The following PPP2R2C variants were observed in gnomAD, a reference collection of about 807,000 sequenced individuals.
PPP2R2C encodes protein phosphatase 2 regulatory subunit Bgamma, also known as protein phosphatase 2, regulatory subunit B, gamma.
Under a neutral mutation model 45.3 loss-of-function variants are expected in PPP2R2C, and 10 were observed. The ratio of observed to expected loss-of-function variants is 0.22; its 90% CI spans 0.14 to 0.37. The LOEUF is 0.37. Among genes scored for constraint, PPP2R2C ranks in the 10% least tolerant of loss-of-function variants. The pLI, the probability that PPP2R2C is intolerant of heterozygous loss-of-function variation, is 1.00. For missense variants in PPP2R2C, 308 were observed against 619.7 expected (o/e 0.50, Z 5.34); for synonymous variants, 257 against 245.4 (o/e 1.05, Z -0.44).
At chr4:6,340,070 T>A (rs1173238130) in intron 6 of PPP2R2C, among the ~76,000 whole-genome samples, 1 of 152,158 alleles carries the variant, frequency 6.6e-6, no homozygotes, top group Non-Finnish European at 1.5e-5. Flanking sequence ...AGGGAGTTCC[T>A]ACAATGGCAC....
rs116606174 is a variant in PPP2R2C at position 6,518,028 on chromosome 4, G to A, written c.49+17243C>T. 6.2e-3 allele frequency among the ~76,000 whole-genome samples: 938 copies of A among 152,226 alleles called. 7 individuals are homozygous for A. The highest frequency in any genetic ancestry group is 0.022 in the African/African-American group (915 of 41,544). On this transcript the variant is annotated intron_variant, in intron 2 of 9. Coordinates refer to the PPP2R2C transcript ENST00000506140. ...CCACCTGACAGTATCAGAATGGAGA[G>A]GATTGAAACAACACACTTCTATATA...
intron 6 of PPP2R2C, among the ~76,000 whole-genome samples, chr4:6,341,227 T>C (rs1346538499): frequency 6.6e-6 from 1 of 151,960 alleles, no homozygotes; most frequent in African/African-American, 2.4e-5. Flanking sequence ...CAATCCCATC[T>C]ACTGAGGAGG....
intron 1 of PPP2R2C, among the ~76,000 whole-genome samples, chr4:6,556,489 C>T (rs1404846008): frequency 6.6e-6 from 1 of 152,216 alleles, no homozygotes; most frequent in African/African-American, 2.4e-5. Flanking sequence ...CCATAACTGC[C>T]TGAGCCAATT....
At position 6,347,851 on chromosome 4, in the gene PPP2R2C, G is replaced by C. The variant is rs1460745968; in HGVS notation, c.785C>G (p.Ser262Cys). The C allele has an allele frequency of 2.5e-6, 4 of 1,610,558 alleles. No homozygotes were observed. The highest frequency in any genetic ancestry group is 3.4e-6 in the Non-Finnish European group (4 of 1,179,236). ...CCCCAGGCACCGGCACTTACGCTTG[G>C]AATGCTTGTCACACAGGGCAGCTGC... ...MRAAALCDKH[S>C]KLFEEPEDPS... is the part of the protein sequence containing the mutation. The change falls in exon 6 of 9, where the codon TCC becomes TGC. Residue 262 changes from serine (S) to cysteine (C), a missense_variant. Ser to Cys is a moderately radical substitution (Grantham distance 112). Coordinates refer to ENST00000382599, the MANE Select transcript of PPP2R2C (RefSeq NM_020416.4).
intron 2 of PPP2R2C, among the ~76,000 whole-genome samples, chr4:6,491,905 T>G (rs1722711086): frequency 6.6e-6 from 1 of 152,186 alleles, no homozygotes; most frequent in East Asian, 1.9e-4. Context: ...CCTATTTTCT[T>G]AATAAATTAC....
chr4:6,479,210 A>G (rs910193327), intron 2 of PPP2R2C, among the ~76,000 whole-genome samples: 2 of 152,154 alleles, frequency 1.3e-5, no homozygotes, highest in East Asian at 1.9e-4. Context: ...CAGCCCATAT[A>G]CCAGCTGGTA....
intron 1 of PPP2R2C, among the ~76,000 whole-genome samples, chr4:6,461,393 G>A (rs1290785928): frequency 6.6e-6 from 1 of 152,180 alleles, no homozygotes; most frequent in African/African-American, 2.4e-5. Context: ...CCACTGGGCT[G>A]CCCAGCCAGG....
chr4:6,439,900 A>G (rs1720068135), intron 1 of PPP2R2C, among the ~76,000 whole-genome samples: 1 of 152,086 alleles, frequency 6.6e-6, no homozygotes. Flanking sequence ...ATTCCTTTTC[A>G]GGACCTTTAG....
At chr4:6,384,499 G>A in intron 1 of PPP2R2C, 1 of 973,878 alleles carries the variant, frequency 1.0e-6, no homozygotes, top group Non-Finnish European at 1.2e-6. Flanking sequence ...TTTAATAGCT[G>A]TATTGAGGTA....
chr4:6,338,060 GCAC>G (rs1338750490), intron 6 of PPP2R2C, among the ~76,000 whole-genome samples: 1 of 151,798 alleles, frequency 6.6e-6, no homozygotes, highest in African/African-American at 2.4e-5. Flanking sequence ...ACACCCCGCT[GCAC>G]CACCTTCAGA....
At chr4:6,476,700 CTG>C (rs1001608302), upstream of PPP2R2C, among the ~76,000 whole-genome samples, 1 of 152,204 alleles carries the variant, frequency 6.6e-6, no homozygotes, top group African/African-American at 2.4e-5. Flanking sequence ...ACTTTTAACA[CTG>C]TAGTTTTACT....
chr4:6,552,504 C>T (rs1232203801), intron 1 of PPP2R2C, among the ~76,000 whole-genome samples: 1 of 151,998 alleles, frequency 6.6e-6, no homozygotes, highest in Admixed American at 6.6e-5. Flanking sequence ...TCTTTCTCTC[C>T]TCTTTCTTTC....
chr4:6,469,559 C>T (rs919692736), intron 1 of PPP2R2C, among the ~76,000 whole-genome samples: 7 of 152,206 alleles, frequency 4.6e-5, no homozygotes, highest in African/African-American at 1.7e-4. Flanking sequence ...CTGTGCTGGG[C>T]ACTTTTGATA....
At chr4:6,370,247 T>C (rs1274559698) in intron 5 of PPP2R2C, among the ~76,000 whole-genome samples, 1 of 152,188 alleles carries the variant, frequency 6.6e-6, no homozygotes, top group African/African-American at 2.4e-5. Flanking sequence ...CAGTCCCTCA[T>C]CTCCCCCAGC....
chr4:6,414,114 G>A (rs1418140640), intron 1 of PPP2R2C: 1 of 1,221,956 alleles, frequency 8.2e-7, no homozygotes, highest in Non-Finnish European at 1.1e-6. Flanking sequence ...GTGTGTGTGT[G>A]TGTGTGTGTA....
At chr4:6,326,148 G>A (rs1432592058) in intron 8 of PPP2R2C, among the ~76,000 whole-genome samples, 1 of 152,224 alleles carries the variant, frequency 6.6e-6, no homozygotes, top group Non-Finnish European at 1.5e-5. Flanking sequence ...ATCCTTCCAT[G>A]AGAGTTTTAC....
At chr4:6,354,171 G>A (rs1438224137) in intron 5 of PPP2R2C, among the ~76,000 whole-genome samples, 4 of 151,160 alleles carry the variant, frequency 2.6e-5, no homozygotes, top group African/African-American at 4.9e-5. Flanking sequence ...CTCAGCTAGA[G>A]TGAACTTCCT....
Position 6,441,943 on chromosome 4 carries a change from G to T in PPP2R2C, c.70+30217C>A, listed in dbSNP as rs1023952674. On this transcript the variant is annotated intron_variant, in intron 1 of 8. Coordinates refer to ENST00000382599, the MANE Select transcript of PPP2R2C (RefSeq NM_020416.4). ...CCACCGGCCATTCCCTTCCTTCTCC[G>T]CCCTACTCCTGCAGCATATCCCACT... Among the ~76,000 whole-genome samples, 3 of 152,170 alleles carry T rather than the reference G, an allele frequency of 2.0e-5. No individual in the cohort carries two copies. The East Asian group carries it at 5.8e-4, about 29-fold the overall frequency.
At chr4:6,410,667 G>C (rs1718108678) in intron 1 of PPP2R2C, among the ~76,000 whole-genome samples, 2 of 151,996 alleles carry the variant, frequency 1.3e-5, no homozygotes, top group African/African-American at 4.8e-5. Flanking sequence ...GCATACACCT[G>C]CCTAATATCA....
Sources: allele counts gnomAD v4.1 joint callset (sites outside exome capture counted in the v4.1 genomes callset), GRCh38; gene constraint gnomAD v4.1.1; transcripts MANE v1.5; gene names NCBI Gene and HGNC (gene_info 2026-07-23, HGNC 2026-07-21).